Variants in PPP1R36 observed in about 807,000 individuals in gnomAD.
The protein encoded by PPP1R36 is chromosome 14 open reading frame 50.
A neutral mutation model predicts 53.4 loss-of-function variants in PPP1R36; 47 were observed. That is an observed-to-expected ratio of 0.88 (90% CI 0.70 to 1.12). The LOEUF is 1.12. PPP1R36 is among the 50% of genes most tolerant of loss of function. The pLI, the probability that PPP1R36 is intolerant of heterozygous loss-of-function variation, is 0.00. For missense variants in PPP1R36, 456 were observed against 513.9 expected, an observed-to-expected ratio of 0.89 and a Z score of 1.09; for synonymous variants, 153 against 170.5, an observed-to-expected ratio of 0.90 and a Z score of 0.80.
At chr14:64,579,883 T>G (rs1027000709) in intron 8 of PPP1R36, among the ~76,000 whole-genome samples, 1 of 152,032 alleles carries the variant, frequency 6.6e-6, no homozygotes, top group African/African-American at 2.4e-5. Context: ...GGCAGGAGAA[T>G]AGCGTGAACC....
chr14:64,580,743 G>A (rs1037732425), intron 8 of PPP1R36, among the ~76,000 whole-genome samples: 2 of 152,162 alleles, frequency 1.3e-5, no homozygotes, highest in African/African-American at 2.4e-5. Context: ...GCCATGATTC[G>A]GAAGTTTATA....
intron 6 of PPP1R36, among the ~76,000 whole-genome samples, chr14:64,566,741 T>C (rs2140231108): frequency 6.6e-6 from 1 of 152,324 alleles, no homozygotes; most frequent in South Asian, 2.1e-4. Context: ...AGGCTGCTTG[T>C]GGCAACTGCC....
chr14:64,586,168 T>C (rs1411203803), intron 8 of PPP1R36: 2 of 152,230 alleles, frequency 1.3e-5, no homozygotes, highest in South Asian at 4.1e-4. Context: ...TTTAACAGCG[T>C]CACCATGTTG....
chr14:64,588,096 C>A lies in PPP1R36; in HGVS notation c.891-8C>A, dbSNP rs368066388. On this transcript the variant is annotated splice_polypyrimidine_tract_variant and splice_region_variant and intron_variant, in intron 10 of 11. Coordinates refer to ENST00000298705, the MANE Select transcript of PPP1R36 (RefSeq NM_172365.3). ...ATATGACCTAAATGTCACCTTCCTC[C>A]CCGACAGGAGAATGATGGCAAAACG... 6.3e-6 allele frequency: 10 copies of A among 1,590,058 alleles called. No individual in the cohort carries two copies. The highest frequency in any genetic ancestry group is 8.6e-6 in the Non-Finnish European group (10 of 1,165,994).
chr14:64,583,539 G>A (rs2080406104), intron 8 of PPP1R36, among the ~76,000 whole-genome samples: 1 of 152,136 alleles, frequency 6.6e-6, no homozygotes, highest in African/African-American at 2.4e-5. Flanking sequence ...GTTAGGCCGG[G>A]CGCTGTGGCT....
At chr14:64,586,790 G>A in intron 8 of PPP1R36, 47 bp from the exon 9 acceptor site, 1 of 1,382,628 alleles carries the variant, frequency 7.2e-7, no homozygotes, top group Non-Finnish European at 1.0e-6. Context: ...TACCCTGAAA[G>A]ATTGAACTTC....
At chr14:64,553,731 G>A (rs769185341) in intron 3 of PPP1R36, among the ~76,000 whole-genome samples, 1 of 150,722 alleles carries the variant, frequency 6.6e-6, no homozygotes, top group Non-Finnish European at 1.5e-5. Flanking sequence ...ATGTTGATCT[G>A]GGTGGTAGCT....
intron 3 of PPP1R36, among the ~76,000 whole-genome samples, chr14:64,563,146 G>A (rs1365755422): frequency 6.6e-6 from 1 of 152,118 alleles, no homozygotes; most frequent in Non-Finnish European, 1.5e-5. Context: ...GATTGCAGGC[G>A]AGAGCCACCG....
intron 2 of PPP1R36, 100 bp downstream of exon 2, chr14:64,551,085 A>G: frequency 2.8e-6 from 2 of 726,866 alleles, no homozygotes; most frequent in Non-Finnish European, 4.5e-6. Flanking sequence ...TACCCACTGA[A>G]CCTTTGCCAT....
chr14:64,560,022 T>G (rs2080192388), intron 3 of PPP1R36, among the ~76,000 whole-genome samples: 1 of 141,010 alleles, frequency 7.1e-6, no homozygotes, highest in African/African-American at 2.7e-5. Flanking sequence ...GAGAATTGCT[T>G]GAACCCAGGA....
chr14:64,555,497 G>A (rs2080141866), intron 3 of PPP1R36, among the ~76,000 whole-genome samples: 1 of 152,104 alleles, frequency 6.6e-6, no homozygotes, highest in African/African-American at 2.4e-5. Context: ...CCTCAAAGAG[G>A]GTGTTTATGT....
At chr14:64,565,974 T>C (rs2080250962) in intron 6 of PPP1R36, among the ~76,000 whole-genome samples, 1 of 152,124 alleles carries the variant, frequency 6.6e-6, no homozygotes. Flanking sequence ...AGTTAAAGGA[T>C]ATACCCATTT....
intron 3 of PPP1R36, chr14:64,561,783 T>C (rs1318735930): frequency 2.2e-6 from 1 of 455,916 alleles, no homozygotes; most frequent in Admixed American, 2.3e-5. Flanking sequence ...TCTTCTTGCT[T>C]CAAGTGCCCC....
intron 6 of PPP1R36, among the ~76,000 whole-genome samples, chr14:64,568,034 AT>A (rs1260214308): frequency 1.3e-5 from 2 of 152,144 alleles, no homozygotes; most frequent in African/African-American, 4.8e-5. Flanking sequence ...TACTTGATAC[AT>A]TTCTCTACAT....
In PPP1R36 at chr14:64,565,365, AT is replaced by A; in HGVS notation, c.279del (p.Asp93GlufsTer15). ...TDGPASDRLT[D>X]KRLAAKDDKS... ...GTTATATTCCAAAACAGGTTGACAG[AT>A]AAAAGACTTGCTGCAAAAGATGATA... On this transcript the variant is annotated frameshift_variant, in exon 5 of 12. Coordinates refer to ENST00000298705, the MANE Select transcript of PPP1R36 (RefSeq NM_172365.3). LOFTEE classifies it high-confidence loss of function. 1 of 1,611,666 alleles carries A rather than the reference AT, an allele frequency of 6.2e-7. No individual in the cohort carries two copies. The highest frequency in any genetic ancestry group is 8.5e-7 in the Non-Finnish European group (1 of 1,178,362).
At chr14:64,569,367 A>C (rs2080285532) in intron 7 of PPP1R36, among the ~76,000 whole-genome samples, 1 of 152,176 alleles carries the variant, frequency 6.6e-6, no homozygotes, top group African/African-American at 2.4e-5. Context: ...AAAATGCAAA[A>C]CCCTGTATAC....
chr14:64,582,076 G>C (rs9944101), intron 8 of PPP1R36, among the ~76,000 whole-genome samples: 139 of 151,914 alleles, frequency 9.1e-4, no homozygotes, highest in African/African-American at 3.3e-3. Context: ...TGGGGCTGAC[G>C]GGGAAAAAGG....
At chr14:64,567,781 C>T (rs550572252) in intron 6 of PPP1R36, among the ~76,000 whole-genome samples, 2 of 152,268 alleles carry the variant, frequency 1.3e-5, no homozygotes, top group East Asian at 3.9e-4. Flanking sequence ...CCTGCCTCAG[C>T]CTCCCAACTA....
intron 8 of PPP1R36, among the ~76,000 whole-genome samples, chr14:64,580,935 C>T (rs761950496): frequency 9.2e-5 from 14 of 152,114 alleles, no homozygotes; most frequent in Non-Finnish European, 1.9e-4. Flanking sequence ...GTCCGCTTGC[C>T]TGATGCAGTC....
Sources: allele counts gnomAD v4.1 joint callset (sites outside exome capture counted in the v4.1 genomes callset), GRCh38; gene constraint gnomAD v4.1.1; transcripts MANE v1.5; gene names NCBI Gene and HGNC (gene_info 2026-07-23, HGNC 2026-07-21).